The following C6orf58 variants were observed in gnomAD, a reference collection of about 807,000 sequenced individuals.
C6orf58 encodes the protein chromosome 6 open reading frame 58.
C6orf58 carries 30 observed loss-of-function variants against 37.0 expected under a neutral mutation model. The observed-to-expected ratio is 0.81, with a 90% confidence interval of 0.61 to 1.10. The LOEUF (loss-of-function observed/expected upper bound fraction) is 1.10, where lower values mean the gene tolerates loss of function less well. C6orf58 is among the 50% of genes least tolerant of loss of function. The probability of loss-of-function intolerance (pLI) is 0.00; values close to 1 mark genes in which losing one functional copy is unlikely to be tolerated. For missense variants in C6orf58, 368 were observed against 387.5 expected (o/e 0.95, Z 0.42); for synonymous variants, 143 against 134.1 (o/e 1.07, Z -0.46).
Position 127,580,437 on chromosome 6 carries a change from C to T in C6orf58, c.561C>T (p.Asn187=), listed in dbSNP as rs1363402714. 4.3e-6 allele frequency: 7 copies of T among 1,611,172 alleles called. No homozygotes were observed. The highest frequency in any genetic ancestry group is 5.9e-6 in the Non-Finnish European group (7 of 1,177,712). ...TCCCTGAGACAATGAACAAGTGGAACACCTTTTACCAGGTTCCTTCTTTAT... is the reference window on the plus strand; with the variant it reads ...TCCCTGAGACAATGAACAAGTGGAATACCTTTTACCAGGTTCCTTCTTTAT... ...SSFPETMNKW[N]TFYQYLQSPF... Residue 187 remains asparagine (N), a synonymous_variant, in exon 3 of 6, where the codon AAC becomes AAT. Coordinates refer to ENST00000329722, the MANE Select transcript of C6orf58 (RefSeq NM_001010905.3).
intron 4 of C6orf58, among the ~76,000 whole-genome samples, chr6:127,584,783 CAAAA>C (rs34714127): frequency 8.4e-6 from 1 of 119,642 alleles, no homozygotes; most frequent in Non-Finnish European, 1.8e-5. Flanking sequence ...ACTCCATCTC[CAAAA>C]AAAAAAAAAA....
At chr6:127,581,379 C>A (rs538985167) in intron 4 of C6orf58, 97 bp downstream of exon 4, 48 of 426,912 alleles carry the variant, frequency 1.1e-4, no homozygotes, top group Non-Finnish European at 1.7e-4. Context: ...GTTTTTCAAT[C>A]TTTATATTAA....
intron 3 of C6orf58, 125 bp downstream of exon 3, chr6:127,580,574 T>C (rs553058169): frequency 1.5e-6 from 1 of 653,198 alleles, no homozygotes; most frequent in Non-Finnish European, 2.7e-6. Context: ...CTATGCATGA[T>C]ATATTAATAG....
Position 127,588,972 on chromosome 6 carries a change from A to G in C6orf58, c.675-1115A>G, listed in dbSNP as rs150123342. ...TCTGCCCACCCTACCACTTCCAAGT[A>G]TAGGGCAGGGAGGATCCCACAAGCA... is the stretch of plus-strand genomic sequence containing the variant. On this transcript the variant is annotated intron_variant, in intron 4 of 5. Transcript: ENST00000329722. Among the ~76,000 whole-genome samples, 17 of 152,296 alleles carry G rather than the reference A, an allele frequency of 1.1e-4. 1 individual carries two copies. The East Asian group carries it at 2.7e-3, about 24-fold the overall frequency.
At chr6:127,578,057 A>G (rs560414886) in intron 1 of C6orf58, among the ~76,000 whole-genome samples, 2 of 152,238 alleles carry the variant, frequency 1.3e-5, no homozygotes, top group African/African-American at 2.4e-5. Context: ...AGCTCATGAG[A>G]AAGAGTGGTG....
intron 4 of C6orf58, among the ~76,000 whole-genome samples, chr6:127,583,482 T>C (rs1381511923): frequency 6.6e-6 from 1 of 152,154 alleles, no homozygotes; most frequent in African/African-American, 2.4e-5. Context: ...GGGAAAGCTG[T>C]CTACATCAAG....
At chr6:127,588,467 G>A (rs1450002337) in intron 4 of C6orf58, among the ~76,000 whole-genome samples, 1 of 152,060 alleles carries the variant, frequency 6.6e-6, no homozygotes, top group Non-Finnish European at 1.5e-5. Context: ...CTTTCTTTAG[G>A]CAAATATATA....
At chr6:127,580,477 G>A (rs1775038001) in intron 3 of C6orf58, 28 bp downstream of exon 3, 1 of 1,532,924 alleles carries the variant, frequency 6.5e-7, no homozygotes, top group Non-Finnish European at 8.9e-7. Context: ...TTACGAGATA[G>A]GAAGAGAGTT....
chr6:127,579,726 G>T (rs137982776), intron 2 of C6orf58, among the ~76,000 whole-genome samples: 33 of 152,074 alleles, frequency 2.2e-4, no homozygotes, highest in African/African-American at 7.5e-4. Flanking sequence ...CAGTCTAATG[G>T]TCTATTGTCA....
intron 2 of C6orf58, 107 bp downstream of exon 2, chr6:127,578,879 T>A (rs1212199256): frequency 1.2e-6 from 1 of 811,302 alleles, no homozygotes; most frequent in Admixed American, 2.2e-5. Context: ...CTGTTCCTAT[T>A]TTAAAAAGGA....
At chr6:127,585,706 C>A (rs554106042) in intron 4 of C6orf58, among the ~76,000 whole-genome samples, 1 of 152,118 alleles carries the variant, frequency 6.6e-6, no homozygotes, top group Non-Finnish European at 1.5e-5. Context: ...CATCAGTGTA[C>A]CTTTGATATT....
chr6:127,578,655 T>A lies in C6orf58; in HGVS notation c.302-31T>A, dbSNP rs190539520. On this transcript the variant is annotated intron_variant, in intron 1 of 5. Transcript: ENST00000329722. ...ACAGCCAGTTTCAAAATGCGTATAA[T>A]AAATACGACTGTGCATCCTCTCTCC... 2.3e-5 allele frequency: 34 copies of A among 1,506,672 alleles called. No homozygotes were observed. In the East Asian group the frequency reaches 7.0e-4, roughly 31 times the overall value. 93.3% of individuals were successfully genotyped at this position (1,506,672 alleles called of 1,614,324 possible). A position where few individuals can be genotyped will look rare whatever the true frequency, so the allele number is the denominator to read the frequency against.
At chr6:127,583,468 T>A (rs557296133) in intron 4 of C6orf58, among the ~76,000 whole-genome samples, 2 of 152,238 alleles carry the variant, frequency 1.3e-5, no homozygotes, top group African/African-American at 4.8e-5. Flanking sequence ...TTATTCATGA[T>A]CTTGGGAAAG....
At chr6:127,587,454 T>C (rs746481112) in intron 4 of C6orf58, among the ~76,000 whole-genome samples, 28 of 152,104 alleles carry the variant, frequency 1.8e-4, no homozygotes, top group African/African-American at 4.8e-5. Flanking sequence ...CAAAGGCTTA[T>C]ATTGGCAAAA....
At position 127,591,524 on chromosome 6, in the gene C6orf58, C is replaced by T; in HGVS notation, c.914-19C>T. 2 of 1,507,330 alleles carry T rather than the reference C, an allele frequency of 1.3e-6. No homozygotes were observed. Among genetic ancestry groups the T allele is most frequent in the Middle Eastern group, 1.7e-4 (1 of 5,776 alleles). 93.4% of individuals were successfully genotyped at this position (1,507,330 alleles called of 1,614,324 possible). ...AAATTTGCAAGAGTTTACATGTAAT[C>T]ATTTTGTATCTTTTACAGGTTATCT... On this transcript the variant is annotated intron_variant, in intron 5 of 5. Transcript: ENST00000329722.
At chr6:127,584,000 T>C (rs1775078121) in intron 4 of C6orf58, among the ~76,000 whole-genome samples, 1 of 152,210 alleles carries the variant, frequency 6.6e-6, no homozygotes, top group African/African-American at 2.4e-5. Context: ...ACAAATTCTA[T>C]TAACTTTTTC....
intron 4 of C6orf58, among the ~76,000 whole-genome samples, chr6:127,587,389 T>C (rs1775118208): frequency 6.6e-6 from 1 of 152,210 alleles, no homozygotes; most frequent in Non-Finnish European, 1.5e-5. Context: ...ATGTTTTCTA[T>C]TAATTCACCT....
Position 127,590,190 on chromosome 6 carries a change from T to C in C6orf58, c.778T>C (p.Tyr260His). Residue 260 changes from tyrosine (Y) to histidine (H), a missense_variant, in exon 5 of 6, where the codon TAT becomes CAT. Physicochemically the swap from Tyr to His is moderately conservative, Grantham distance 83. Coordinates refer to ENST00000329722, the MANE Select transcript of C6orf58 (RefSeq NM_001010905.3). ...VLFPTTLIRS[Y>H]KFQKGMPPRI... is the part of the protein sequence containing the mutation. ...CTTTCCTACAACCTTGATTAGATCATATAAGTTCCAGAAGGGCATGCCACC... is the reference window on the plus strand; with the variant it reads ...CTTTCCTACAACCTTGATTAGATCACATAAGTTCCAGAAGGGCATGCCACC... 6.2e-7 allele frequency: 1 copy of C among 1,613,878 alleles called. No individual in the cohort carries two copies. The highest frequency in any genetic ancestry group is 8.5e-7 in the Non-Finnish European group (1 of 1,179,822).
intron 2 of C6orf58, 126 bp from the exon 3 acceptor site, chr6:127,580,139 C>T: frequency 6.5e-6 from 4 of 617,022 alleles, no homozygotes; most frequent in South Asian, 2.8e-5. Context: ...ATATTTTTTT[C>T]CTAATGGTTA....
Sources: allele counts gnomAD v4.1 joint callset (sites outside exome capture counted in the v4.1 genomes callset), GRCh38; gene constraint gnomAD v4.1.1; transcripts MANE v1.5; gene names NCBI Gene and HGNC (gene_info 2026-07-23, HGNC 2026-07-21).